The following GPC6 variants were observed in gnomAD, a reference collection of about 807,000 sequenced individuals.
GPC6 encodes the protein glypican 6, also known as glypican-6.
A neutral mutation model predicts 55.2 loss-of-function variants in GPC6; 14 were observed. The ratio of observed to expected loss-of-function variants is 0.25; its 90% CI spans 0.17 to 0.40. GPC6 has a LOEUF of 0.40. Among genes scored for constraint, GPC6 ranks in the 10% least tolerant of loss-of-function variants. The probability of loss-of-function intolerance (pLI) is 1.00; values close to 1 mark genes in which losing one functional copy is unlikely to be tolerated. For synonymous variants in GPC6, 278 were observed against 259.6 expected, an observed-to-expected ratio of 1.07 and a Z score of -0.68; for missense variants, 641 against 708.5, an observed-to-expected ratio of 0.90 and a Z score of 1.08.
At chr13:93,792,529 T>G (rs903025122) in intron 2 of GPC6, among the ~76,000 whole-genome samples, 3 of 152,138 alleles carry the variant, frequency 2.0e-5, no homozygotes, top group Non-Finnish European at 4.4e-5. Flanking sequence ...CAGGCTGGTC[T>G]TGAACTCCTG....
chr13:93,263,593 G>A (rs1246246834), intron 1 of GPC6, among the ~76,000 whole-genome samples: 1 of 152,104 alleles, frequency 6.6e-6, no homozygotes, highest in East Asian at 1.9e-4. Context: ...TCGAACTCCT[G>A]ACTTCAGGTG....
chr13:93,691,048 C>A (rs1223180188), intron 2 of GPC6, among the ~76,000 whole-genome samples: 1 of 152,052 alleles, frequency 6.6e-6, no homozygotes, highest in Non-Finnish European at 1.5e-5. Flanking sequence ...GCTTTACTGT[C>A]CAGAGCGGTT....
chr13:94,159,480 T>C (rs1888079163), intron 4 of GPC6, among the ~76,000 whole-genome samples: 1 of 152,144 alleles, frequency 6.6e-6, no homozygotes, highest in South Asian at 2.1e-4. Context: ...AGGAAACCCC[T>C]TATAAAACCA....
At chr13:93,305,241 G>C (rs1266082481) in intron 1 of GPC6, among the ~76,000 whole-genome samples, 1 of 152,112 alleles carries the variant, frequency 6.6e-6, no homozygotes, top group Non-Finnish European at 1.5e-5. Flanking sequence ...AACCCAGGCA[G>C]TCGTTTTTTT....
chr13:94,167,936 A>G (rs1181104538), intron 4 of GPC6, among the ~76,000 whole-genome samples: 1 of 152,252 alleles, frequency 6.6e-6, no homozygotes, highest in East Asian at 1.9e-4. Flanking sequence ...TTTTACTGTC[A>G]GTTGTTATCT....
chr13:94,239,456 C>G (rs879438450), intron 4 of GPC6, among the ~76,000 whole-genome samples: 2 of 152,002 alleles, frequency 1.3e-5, no homozygotes, highest in African/African-American at 2.4e-5. Context: ...TAAGAATAAT[C>G]AAGTCAAGGA....
intron 2 of GPC6, among the ~76,000 whole-genome samples, chr13:93,691,360 A>C (rs1882248101): frequency 6.6e-6 from 1 of 151,974 alleles, no homozygotes; most frequent in Non-Finnish European, 1.5e-5. Context: ...GCTCATTGTG[A>C]CTACAATTGC....
intron 1 of GPC6, among the ~76,000 whole-genome samples, chr13:93,492,719 T>G (rs930024654): frequency 2.0e-5 from 3 of 151,120 alleles, no homozygotes; most frequent in African/African-American, 7.3e-5. Flanking sequence ...TTACTGAGAG[T>G]TTTTAGCATG....
At chr13:93,940,392 G>A (rs1689366290) in intron 3 of GPC6, among the ~76,000 whole-genome samples, 2 of 150,148 alleles carry the variant, frequency 1.3e-5, no homozygotes, top group South Asian at 2.1e-4. Flanking sequence ...AAGGATGGAC[G>A]GTTGGATGAA....
chr13:93,614,701 T>C (rs567159015), intron 2 of GPC6, among the ~76,000 whole-genome samples: 27 of 152,308 alleles, frequency 1.8e-4, no homozygotes, highest in African/African-American at 6.5e-4. Context: ...ATTTATCTTT[T>C]ATTTATTTAC....
chr13:93,495,247 T>C lies in GPC6; in HGVS notation c.161-50016T>C, dbSNP rs1399077289. The stretch of plus-strand genomic sequence containing the variant: ...TCTTTTTATTCTTTTTTCTCTAAAC[T>C]TCCCTTCTCACTTCATTTCATTCAT... On this transcript the variant is annotated intron_variant, in intron 1 of 8. Transcript: ENST00000377047. 8.1e-5 allele frequency among the ~76,000 whole-genome samples: 12 copies of C among 148,540 alleles called. No homozygotes were observed. The East Asian group carries it at 2.3e-3, about 28-fold the overall frequency.
chr13:94,273,956 G>A (rs1311919086), intron 4 of GPC6, among the ~76,000 whole-genome samples: 1 of 152,156 alleles, frequency 6.6e-6, no homozygotes, highest in Non-Finnish European at 1.5e-5. Flanking sequence ...TAAATAAAGA[G>A]TTATGGTTGG....
At chr13:93,887,070 A>G (rs1218407220) in intron 3 of GPC6, among the ~76,000 whole-genome samples, 1 of 152,044 alleles carries the variant, frequency 6.6e-6, no homozygotes, top group East Asian at 1.9e-4. Context: ...ATCTGTTTAG[A>G]ATTCAGAAAC....
intron 3 of GPC6, among the ~76,000 whole-genome samples, chr13:93,989,782 T>A (rs979446610): frequency 6.6e-6 from 1 of 152,080 alleles, no homozygotes; most frequent in Non-Finnish European, 1.5e-5. Flanking sequence ...AGACTCTGAT[T>A]TAGTCAAGCT....
chr13:94,216,330 A>G (rs9516369), intron 4 of GPC6, among the ~76,000 whole-genome samples: 29,743 of 152,194 alleles, frequency 0.2, 3,091 homozygotes, highest in East Asian at 0.42. Context: ...AATCTAAGTC[A>G]TAAACTTCAG....
intron 2 of GPC6, among the ~76,000 whole-genome samples, chr13:93,577,143 C>G (rs1041990180): frequency 6.6e-6 from 1 of 152,070 alleles, no homozygotes; most frequent in South Asian, 2.1e-4. Context: ...AATAACTTAA[C>G]TTTACACAAA....
rs1217276217 is a variant in GPC6 at position 93,977,575 on chromosome 13, C to A, written c.712-50154C>A. Among the ~76,000 whole-genome samples the A allele has an allele frequency of 4.1e-5, 6 of 147,766 alleles. No homozygotes were observed. The East Asian group carries it at 6.1e-4, about 15-fold the overall frequency. ...TGTGCTGATTTTTTTCCTTTTGATT[C>A]ATAACAGAACTTGTTGGAGAGAGCC... On this transcript the variant is annotated intron_variant, in intron 3 of 8. Coordinates refer to ENST00000377047, the MANE Select transcript of GPC6 (RefSeq NM_005708.5).
chr13:93,234,587 ATACT>A (rs1339872826), intron 1 of GPC6, among the ~76,000 whole-genome samples: 3 of 152,156 alleles, frequency 2.0e-5, no homozygotes, highest in Non-Finnish European at 4.4e-5. Context: ...GATTCAAGAA[ATACT>A]TAGTAGGTGA....
chr13:94,028,020 T>G, intron 4 of GPC6, 126 bp downstream of exon 4: 1 of 883,554 alleles, frequency 1.1e-6, no homozygotes, highest in Admixed American at 1.9e-5. Flanking sequence ...ATCCCAGCAC[T>G]TTGGGAGGCC....
Sources: allele counts gnomAD v4.1 joint callset (sites outside exome capture counted in the v4.1 genomes callset), GRCh38; gene constraint gnomAD v4.1.1; transcripts MANE v1.5; gene names NCBI Gene and HGNC (gene_info 2026-07-23, HGNC 2026-07-21).